The following PIAS2 variants were observed in gnomAD, a reference collection of about 807,000 sequenced individuals.
The protein encoded by PIAS2 is protein inhibitor of activated STAT 2.
Under a neutral mutation model 69.7 loss-of-function variants are expected in PIAS2, and 19 were observed. The ratio of observed to expected loss-of-function variants is 0.27; its 90% CI spans 0.19 to 0.40. The LOEUF is 0.40. Ranked by LOEUF, PIAS2 falls within the 10% of genes least tolerant of loss-of-function variation. PIAS2 has a pLI of 1.00. For synonymous variants in PIAS2, 261 were observed against 263.2 expected (o/e 0.99, Z 0.08); for missense variants, 624 against 757.0 (o/e 0.82, Z 2.06).
chr18:46,826,753 A>T (rs1167588187), intron 11 of PIAS2: 1 of 152,186 alleles, frequency 6.6e-6, no homozygotes, highest in East Asian at 1.9e-4. Context: ...ACCTCATTCT[A>T]ATTAAATGGG....
In PIAS2 at chr18:46,816,985, C is replaced by T. The variant is rs914127729; in HGVS notation, c.1649-1636G>A. On this transcript the variant is annotated intron_variant, in intron 12 of 13. Coordinates refer to ENST00000585916, the MANE Select transcript of PIAS2 (RefSeq NM_004671.5). ...GCCAAACAATTCAAAATTTGTCTAG[C>T]CCTTGTAATACCTTCAGAGTTTTGC... 38 of 927,624 alleles carry T rather than the reference C, an allele frequency of 4.1e-5. No homozygotes were observed. In the African/African-American group the frequency reaches 6.6e-4, roughly 16 times the overall value. 57.5% of individuals were successfully genotyped at this position (927,624 alleles called of 1,614,324 possible).
At chr18:46,895,648 G>A (rs922928530) in intron 1 of PIAS2, among the ~76,000 whole-genome samples, 1 of 152,148 alleles carries the variant, frequency 6.6e-6, no homozygotes, top group Non-Finnish European at 1.5e-5. Context: ...TCCAGCCTGG[G>A]TGACAGAGTG....
chr18:46,818,804 T>C (rs1229771685), intron 12 of PIAS2, among the ~76,000 whole-genome samples: 3 of 152,136 alleles, frequency 2.0e-5, no homozygotes, highest in Non-Finnish European at 2.9e-5. Context: ...TTTTCAATAA[T>C]AACAACCAGT....
At chr18:46,917,115 G>T (rs866185799) in intron 1 of PIAS2, 3 of 993,036 alleles carry the variant, frequency 3.0e-6, no homozygotes, top group Middle Eastern at 5.1e-4. Flanking sequence ...CGCGGCCCAG[G>T]CCCGCCGCCC....
At chr18:46,900,302 G>T (rs1378040436) in intron 1 of PIAS2, among the ~76,000 whole-genome samples, 1 of 151,928 alleles carries the variant, frequency 6.6e-6, no homozygotes, top group Non-Finnish European at 1.5e-5. Context: ...GGCAGAGGTT[G>T]CAGTAAGCAG....
At chr18:46,914,989 TATA>T (rs1308507025) in intron 1 of PIAS2, 5 of 152,146 alleles carry the variant, frequency 3.3e-5, no homozygotes, top group South Asian at 2.1e-4. Context: ...CTTCCTTTAT[TATA>T]ATGTCACACA....
chr18:46,835,999 T>C (rs1415033487), intron 9 of PIAS2, among the ~76,000 whole-genome samples: 4 of 152,174 alleles, frequency 2.6e-5, no homozygotes, highest in Admixed American at 6.5e-5. Context: ...ATCTACCCTA[T>C]CACTTCCTCT....
chr18:46,892,533 G>A (rs763963904), intron 1 of PIAS2, among the ~76,000 whole-genome samples: 3 of 151,938 alleles, frequency 2.0e-5, no homozygotes, highest in Non-Finnish European at 4.4e-5. Context: ...AGTGCTTTTG[G>A]AGGCCAACAC....
intron 5 of PIAS2, among the ~76,000 whole-genome samples, chr18:46,849,936 A>G (rs981888510): frequency 6.6e-6 from 1 of 152,148 alleles, no homozygotes; most frequent in African/African-American, 2.4e-5. Flanking sequence ...TTTAACCCAG[A>G]TATTTAACAT....
chr18:46,860,387 T>C (rs947199955), intron 3 of PIAS2, among the ~76,000 whole-genome samples: 15 of 152,176 alleles, frequency 9.9e-5, no homozygotes, highest in African/African-American at 3.1e-4. Flanking sequence ...TTTTGGAAAG[T>C]AGTGTTACAA....
chr18:46,818,435 C>A, intron 12 of PIAS2: 1 of 1,576,116 alleles, frequency 6.3e-7, no homozygotes. Flanking sequence ...AATATCATTT[C>A]TTCTTTGTTC....
chr18:46,807,385 T>TA lies in PIAS2; in HGVS notation c.*5047_*5048insT, dbSNP rs2040759723. 8 of 21,310 alleles carry TA rather than the reference T, an allele frequency of 3.8e-4. No individual in the cohort carries two copies. The highest frequency in any genetic ancestry group is 4.1e-3 in the South Asian group (2 of 490). 1.3% of individuals were successfully genotyped at this position (21,310 alleles called of 1,614,324 possible). ...TATATATATATATATATATATATATTTTTTTTTTTTTTTTTTTTTTTTTTT... is the reference window on the plus strand; with the variant it reads ...TATATATATATATATATATATATATTATTTTTTTTTTTTTTTTTTTTTTTTT... On this transcript the variant is annotated 3_prime_UTR_variant, in exon 14 of 14. Coordinates refer to ENST00000585916, the MANE Select transcript of PIAS2 (RefSeq NM_004671.5).
chr18:46,842,866 A>G (rs1345233923), intron 8 of PIAS2, among the ~76,000 whole-genome samples: 4 of 152,226 alleles, frequency 2.6e-5, no homozygotes, highest in Non-Finnish European at 5.9e-5. Context: ...GCAGGTTCCC[A>G]GTATCCAAGC....
intron 1 of PIAS2, among the ~76,000 whole-genome samples, chr18:46,894,996 C>G (rs935890417): frequency 6.6e-6 from 1 of 151,594 alleles, no homozygotes; most frequent in African/African-American, 2.4e-5. Flanking sequence ...TCGCTTGAAA[C>G]CGGGAGGCGG....
At chr18:46,838,443 T>A (rs2044776342) in intron 8 of PIAS2, among the ~76,000 whole-genome samples, 1 of 152,062 alleles carries the variant, frequency 6.6e-6, no homozygotes, top group African/African-American at 2.4e-5. Flanking sequence ...CCCTGCAGAG[T>A]CCACTCTCTC....
At chr18:46,906,921 C>T (rs1038256523) in intron 1 of PIAS2, among the ~76,000 whole-genome samples, 2 of 152,006 alleles carry the variant, frequency 1.3e-5, no homozygotes, top group Non-Finnish European at 2.9e-5. Context: ...TGTTTCATAC[C>T]AACCCTCCCT....
rs188948868 is a variant in PIAS2, at chr18:46,873,330, C to T, written c.500-9082G>A. Among the ~76,000 whole-genome samples the T allele has an allele frequency of 5.3e-3, 810 of 152,282 alleles. 8 individuals are homozygous for T. The highest frequency in any genetic ancestry group is 0.018 in the African/African-American group (765 of 41,544). On this transcript the variant is annotated intron_variant, in intron 2 of 13. Transcript: ENST00000585916. ...GAACCCAAATCTAAAAGGCCCTGGG[C>T]GTAAATGTTTAGATTTAATTGATTA...
At chr18:46,815,836 G>A in intron 12 of PIAS2, 6 of 990,392 alleles carry the variant, frequency 6.1e-6, no homozygotes, top group Non-Finnish European at 7.2e-6. Flanking sequence ...ATCAAGAGCA[G>A]TACATAGTCC....
At chr18:46,866,565 G>A (rs2049500436) in intron 2 of PIAS2, among the ~76,000 whole-genome samples, 1 of 152,120 alleles carries the variant, frequency 6.6e-6, no homozygotes, top group African/African-American at 2.4e-5. Context: ...CTGGATCTCT[G>A]GGAATGAAAA....
Sources: allele counts gnomAD v4.1 joint callset (sites outside exome capture counted in the v4.1 genomes callset), GRCh38; gene constraint gnomAD v4.1.1; transcripts MANE v1.5; gene names NCBI Gene and HGNC (gene_info 2026-07-23, HGNC 2026-07-21).